Variants in CELF2 observed in about 807,000 individuals in gnomAD.
CELF2 encodes the protein CUGBP Elav-like family member 2.
CELF2 carries 8 observed loss-of-function variants against 62.6 expected under a neutral mutation model. The observed-to-expected ratio is 0.13, with a 90% CI of 0.07 to 0.23. CELF2 has a LOEUF of 0.23. Among genes scored for constraint, CELF2 ranks in the 10% least tolerant of loss-of-function variants. The pLI is 1.00. For synonymous variants in CELF2, 258 were observed against 250.0 expected (o/e 1.03, Z -0.30); for missense variants, 333 against 671.0 (o/e 0.50, Z 5.56).
At chr10:11,197,058 A>AAGAGAGAAGG in intron 2 of CELF2, among the ~76,000 whole-genome samples, 1 of 71,932 alleles carries the variant, frequency 1.4e-5, no homozygotes, top group African/African-American at 5.8e-5. Flanking sequence ...AGAAAGAAAG[A>AAGAGAGAAGG]AAAGAAAGAA....
At chr10:10,679,118 T>C in the CELF2 span, among the ~76,000 whole-genome samples, 1 of 152,176 alleles carries the variant, frequency 6.6e-6, no homozygotes, top group Non-Finnish European at 1.5e-5. Context: ...AAAGCTAAAA[T>C]AATACTTGTT....
intron 1 of CELF2, among the ~76,000 whole-genome samples, chr10:10,887,692 A>G (rs1209550537): frequency 6.6e-6 from 1 of 152,200 alleles, no homozygotes; most frequent in African/African-American, 2.4e-5. Context: ...CTTCTGGTGG[A>G]ACACTGAAAC....
intron 2 of CELF2, among the ~76,000 whole-genome samples, chr10:11,206,275 C>T (rs531111558): frequency 2.6e-5 from 4 of 152,274 alleles, no homozygotes; most frequent in East Asian, 3.9e-4. Context: ...CATCTAATAG[C>T]CCAGCTTGCT....
chr10:10,798,777 G>C (rs967889558), exon 1 of CELF2: 1 of 398,688 alleles, frequency 2.5e-6, no homozygotes, highest in African/African-American at 2.1e-5. Context: ...GGTTTCCTTG[G>C]TCTCTGACTT....
chr10:10,920,394 G>A (rs577959859), intron 2 of CELF2, among the ~76,000 whole-genome samples: 2 of 152,150 alleles, frequency 1.3e-5, no homozygotes, highest in Admixed American at 1.3e-4. Context: ...CTGTGTTCAG[G>A]GACTTAGAGA....
chr10:10,485,770 C>G, the CELF2 span, among the ~76,000 whole-genome samples: 2 of 152,164 alleles, frequency 1.3e-5, no homozygotes, highest in African/African-American at 4.8e-5. Context: ...TTAACTGTCT[C>G]TATCCTATCC....
intron 1 of CELF2, among the ~76,000 whole-genome samples, chr10:11,129,853 T>C (rs2059347892): frequency 6.6e-6 from 1 of 152,222 alleles, no homozygotes. Context: ...TTTGAAGGGT[T>C]TTTTATGTCT....
In CELF2 at chr10:11,100,215, A is replaced by ATAAGT. The variant is rs1316391145; in HGVS notation, c.75-65268_75-65267insGTTAA. 3.0e-3 allele frequency among the ~76,000 whole-genome samples: 369 copies of ATAAGT among 123,828 alleles called. 5 individuals are homozygous for ATAAGT. The highest frequency in any genetic ancestry group is 0.015 in the African/African-American group (339 of 21,934). 81.2% of individuals were successfully genotyped at this position (123,828 alleles called of 152,430 possible). A position where few individuals can be genotyped will look rare whatever the true frequency, so the allele number is the denominator to read the frequency against. ...CGAGACTCTGTCTCAAAATAAATAA[A>ATAAGT]TAAATAAAATAAATAAATAAATAAA... is the stretch of plus-strand genomic sequence containing the variant. On this transcript the variant is annotated intron_variant, in intron 1 of 12. Coordinates refer to ENST00000633077, the MANE Select transcript of CELF2 (RefSeq NM_001326342.2).
At chr10:10,900,064 C>G (rs1358377373) in intron 1 of CELF2, among the ~76,000 whole-genome samples, 1 of 151,968 alleles carries the variant, frequency 6.6e-6, no homozygotes, top group Non-Finnish European at 1.5e-5. Context: ...CCTGACTTTC[C>G]ATTTCTAATA....
the CELF2 span, among the ~76,000 whole-genome samples, chr10:10,699,569 A>G: frequency 2.0e-5 from 3 of 152,338 alleles, no homozygotes; most frequent in East Asian, 5.8e-4. Flanking sequence ...GGTGATTTGC[A>G]GTTATCTAGG....
chr10:10,701,221 G>C, the CELF2 span, among the ~76,000 whole-genome samples: 1 of 152,212 alleles, frequency 6.6e-6, no homozygotes, highest in South Asian at 2.1e-4. Context: ...CTGAGCCTAG[G>C]CAGAGGCTAA....
chr10:10,722,209 G>A, the CELF2 span, among the ~76,000 whole-genome samples: 2 of 152,158 alleles, frequency 1.3e-5, no homozygotes, highest in Non-Finnish European at 2.9e-5. Context: ...GGCCAAGGCA[G>A]GAGGATTGCT....
chr10:10,878,014 T>C (rs969711510), intron 1 of CELF2, among the ~76,000 whole-genome samples: 6 of 152,130 alleles, frequency 3.9e-5, no homozygotes, highest in African/African-American at 1.4e-4. Context: ...GGATGGCTGA[T>C]AGAAAACAGA....
chr10:10,577,364 T>TTTATTATTATTATTA, the CELF2 span, among the ~76,000 whole-genome samples: 16,188 of 141,312 alleles, frequency 0.11, 1,108 homozygotes, highest in South Asian at 0.16. Flanking sequence ...AACAAATCTT[T>TTTATTATTATTATTA]TTATTATTAT....
chr10:10,761,092 A>G, the CELF2 span, among the ~76,000 whole-genome samples: 4 of 152,180 alleles, frequency 2.6e-5, no homozygotes, highest in Non-Finnish European at 5.9e-5. Flanking sequence ...ATTGTGGTCA[A>G]CAATTCCAAA....
intron 1 of CELF2, among the ~76,000 whole-genome samples, chr10:11,142,494 C>A (rs2061514158): frequency 6.6e-6 from 1 of 151,916 alleles, no homozygotes; most frequent in Non-Finnish European, 1.5e-5. Flanking sequence ...ACCATCCTGG[C>A]TAACACAGTG....
intron 1 of CELF2, among the ~76,000 whole-genome samples, chr10:11,160,720 G>C (rs187541917): frequency 1.5e-4 from 22 of 150,462 alleles, no homozygotes; most frequent in African/African-American, 5.1e-4. Flanking sequence ...CTATCTTTAC[G>C]CACAATTTTT....
At chr10:10,879,179 A>G (rs766338974) in intron 1 of CELF2, among the ~76,000 whole-genome samples, 7 of 152,216 alleles carry the variant, frequency 4.6e-5, no homozygotes, top group Non-Finnish European at 8.8e-5. Flanking sequence ...TGGAAAGTAA[A>G]CACTGTGTCA....
At chr10:11,064,052 G>A (rs757928301) in intron 1 of CELF2, among the ~76,000 whole-genome samples, 22 of 152,168 alleles carry the variant, frequency 1.4e-4, no homozygotes, top group Admixed American at 3.3e-4. Flanking sequence ...GGTCTGCTGC[G>A]TGTCAGGCAT....
Sources: allele counts gnomAD v4.1 joint callset (sites outside exome capture counted in the v4.1 genomes callset), GRCh38; gene constraint gnomAD v4.1.1; transcripts MANE v1.5; gene names NCBI Gene and HGNC (gene_info 2026-07-23, HGNC 2026-07-21).